The following HDAC9 variants were observed in gnomAD, a reference collection of about 807,000 sequenced individuals.
HDAC9 encodes the protein MEF-2 interacting transcription repressor (MITR) protein.
In HDAC9, 41 loss-of-function variants were observed where a neutral mutation model predicts 139.4. The ratio of observed to expected loss-of-function variants is 0.29; its 90% CI spans 0.23 to 0.38. The LOEUF is 0.38. HDAC9 is among the 10% of genes least tolerant of loss of function. HDAC9 has a pLI of 1.00. For missense variants in HDAC9, 1,147 were observed against 1,297.0 expected (o/e 0.88, Z 1.78); for synonymous variants, 517 against 476.2 (o/e 1.09, Z -1.12).
At chr7:18,651,325 A>G (rs138322990) in intron 11 of HDAC9, among the ~76,000 whole-genome samples, 23 of 152,326 alleles carry the variant, frequency 1.5e-4, no homozygotes, top group African/African-American at 5.5e-4. Context: ...AGATACTTAT[A>G]GCAGGAAATA....
At chr7:18,144,032 A>G (rs964831426) in intron 1 of HDAC9, among the ~76,000 whole-genome samples, 2 of 152,156 alleles carry the variant, frequency 1.3e-5, no homozygotes, top group African/African-American at 4.8e-5. Flanking sequence ...CCTCACGTCT[A>G]TCTACATGTC....
chr7:18,577,787 C>T (rs1826459429), intron 2 of HDAC9, among the ~76,000 whole-genome samples: 1 of 151,808 alleles, frequency 6.6e-6, no homozygotes. Context: ...GTTTAGCCCC[C>T]CAAAAAGGTA....
chr7:18,695,309 T>G (rs1452183543), intron 12 of HDAC9, among the ~76,000 whole-genome samples: 1 of 152,184 alleles, frequency 6.6e-6, no homozygotes. Flanking sequence ...GAGATAATGC[T>G]CAAGGAGGGA....
intron 1 of HDAC9, among the ~76,000 whole-genome samples, chr7:18,292,652 T>C (rs1797884801): frequency 6.6e-6 from 1 of 151,982 alleles, no homozygotes; most frequent in Non-Finnish European, 1.5e-5. Context: ...GCTTCAGTGG[T>C]GGATTTTGTT....
At chr7:18,581,133 T>A (rs1290606407) in intron 2 of HDAC9, among the ~76,000 whole-genome samples, 3 of 152,158 alleles carry the variant, frequency 2.0e-5, no homozygotes, top group South Asian at 2.1e-4. Flanking sequence ...TGATTGCCAT[T>A]TCTCTCTGAG....
intron 22 of HDAC9, among the ~76,000 whole-genome samples, chr7:18,928,928 C>A (rs1192633398): frequency 6.6e-6 from 1 of 151,390 alleles, no homozygotes; most frequent in Non-Finnish European, 1.5e-5. Context: ...TATCATCTTC[C>A]AAATTTCTTA....
chr7:18,674,217 A>G (rs1321445642), intron 12 of HDAC9, among the ~76,000 whole-genome samples: 1 of 152,030 alleles, frequency 6.6e-6, no homozygotes, highest in Non-Finnish European at 1.5e-5. Flanking sequence ...AAACAAATCC[A>G]TGGTGCTCTC....
At chr7:18,155,353 G>A (rs1164888237) in intron 1 of HDAC9, among the ~76,000 whole-genome samples, 1 of 152,044 alleles carries the variant, frequency 6.6e-6, no homozygotes, top group Non-Finnish European at 1.5e-5. Context: ...ATACCCTGGG[G>A]CTAAGCCCAG....
At chr7:18,439,933 ATAG>A (rs1038271043) in intron 1 of HDAC9, among the ~76,000 whole-genome samples, 21 of 152,178 alleles carry the variant, frequency 1.4e-4, no homozygotes, top group African/African-American at 5.1e-4. Flanking sequence ...TCACTTAATG[ATAG>A]TAGATATTAC....
chr7:18,717,098 A>G (rs183078237), intron 12 of HDAC9, among the ~76,000 whole-genome samples: 129 of 150,462 alleles, frequency 8.6e-4, no homozygotes, highest in Admixed American at 1.7e-3. Context: ...AGAGTGACCT[A>G]CCCTCACTGG....
intron 19 of HDAC9, among the ~76,000 whole-genome samples, chr7:18,832,588 T>C (rs1202124895): frequency 6.6e-6 from 1 of 152,226 alleles, no homozygotes; most frequent in Non-Finnish European, 1.5e-5. Flanking sequence ...ATTTCTATAG[T>C]AATTTCTCAC....
At chr7:18,116,657 C>T (rs190761619) in intron 1 of HDAC9, among the ~76,000 whole-genome samples, 42 of 151,926 alleles carry the variant, frequency 2.8e-4, no homozygotes, top group Admixed American at 1.6e-3. Context: ...TTTTTATTAA[C>T]AAATAATAGA....
intron 24 of HDAC9, among the ~76,000 whole-genome samples, chr7:18,962,834 T>G (rs531332217): frequency 6.6e-6 from 1 of 152,316 alleles, no homozygotes; most frequent in Non-Finnish European, 1.5e-5. Flanking sequence ...ACACAGTTCT[T>G]TCCTCATTTT....
chr7:18,957,574 C>G (rs372338540), intron 24 of HDAC9, among the ~76,000 whole-genome samples: 1 of 152,050 alleles, frequency 6.6e-6, no homozygotes. Flanking sequence ...TTTTGTGAGA[C>G]CCAGTTCAAG....
intron 24 of HDAC9, among the ~76,000 whole-genome samples, chr7:18,974,820 A>G (rs893524172): frequency 1.8e-4 from 28 of 152,340 alleles, no homozygotes; most frequent in Admixed American, 1.5e-3. Context: ...CACTAATGTC[A>G]TTGGGATGGC....
chr7:18,784,937 A>G (rs1791568200), intron 16 of HDAC9, among the ~76,000 whole-genome samples: 1 of 114,492 alleles, frequency 8.7e-6, no homozygotes, highest in African/African-American at 3.5e-5. Context: ...AATAGGTAGC[A>G]ATTGCTTGTG....
intron 1 of HDAC9, among the ~76,000 whole-genome samples, chr7:18,137,316 C>T (rs1260076337): frequency 6.8e-6 from 1 of 147,892 alleles, no homozygotes; most frequent in Non-Finnish European, 1.5e-5. Flanking sequence ...TGCCTAATTG[C>T]CCTGGCCAGA....
chr7:18,266,327 G>T (rs1045847911), intron 2 of HDAC9, among the ~76,000 whole-genome samples: 2 of 152,130 alleles, frequency 1.3e-5, no homozygotes, highest in Non-Finnish European at 2.9e-5. Context: ...TCCTTACCGT[G>T]ACAGGCACTT....
At chr7:18,877,030 A>G (rs1451658742) in intron 22 of HDAC9, among the ~76,000 whole-genome samples, 3 of 152,168 alleles carry the variant, frequency 2.0e-5, no homozygotes, top group African/African-American at 7.2e-5. Context: ...TGCACACTAC[A>G]GAGAACATAT....
Sources: gnomAD v4.1 joint callset for allele counts (sites outside exome capture counted in the v4.1 genomes callset) on GRCh38, gnomAD v4.1.1 for gene constraint, MANE v1.5 for transcripts, NCBI Gene and HGNC (gene_info 2026-07-23, HGNC 2026-07-21) for gene names.